Variants in ERGIC1 observed in about 807,000 individuals in gnomAD.
The protein encoded by ERGIC1 is endoplasmic reticulum-Golgi intermediate compartment protein 1.
Under a neutral mutation model 38.3 loss-of-function variants are expected in ERGIC1, and 19 were observed. The ratio of observed to expected loss-of-function variants is 0.50; its 90% CI spans 0.35 to 0.73. The LOEUF is 0.73. ERGIC1 is among the 30% of genes least tolerant of loss of function. The pLI, the probability that ERGIC1 is intolerant of heterozygous loss-of-function variation, is 0.01. For missense variants in ERGIC1, 294 were observed against 389.2 expected (o/e 0.76, Z 2.06); for synonymous variants, 124 against 157.6 (o/e 0.79, Z 1.60).
chr5:172,875,605 G>A (rs1762125109), intron 1 of ERGIC1, among the ~76,000 whole-genome samples: 1 of 152,112 alleles, frequency 6.6e-6, no homozygotes, highest in African/African-American at 2.4e-5. Flanking sequence ...TTGCCTGTGG[G>A]CTTTCTTGAG....
chr5:172,905,252 C>T, intron 3 of ERGIC1: 1 of 269,428 alleles, frequency 3.7e-6, no homozygotes, highest in East Asian at 8.3e-5. Context: ...AGCCCAGGCT[C>T]TCCTTAGTTG....
At chr5:172,891,858 G>A (rs956108545) in intron 2 of ERGIC1, among the ~76,000 whole-genome samples, 2 of 152,122 alleles carry the variant, frequency 1.3e-5, no homozygotes, top group African/African-American at 4.8e-5. Flanking sequence ...TCCTGCCAGC[G>A]GATAAACAGC....
At chr5:172,902,471 G>A (rs528215011) in intron 3 of ERGIC1, among the ~76,000 whole-genome samples, 30 of 152,322 alleles carry the variant, frequency 2.0e-4, no homozygotes, top group African/African-American at 5.8e-4. Context: ...GTGGAGTGAC[G>A]GGTTTATGTC....
At chr5:172,937,045 G>A (rs922920327) in intron 9 of ERGIC1, 3 of 152,120 alleles carry the variant, frequency 2.0e-5, no homozygotes, top group South Asian at 2.1e-4. Flanking sequence ...TACAAAGGGT[G>A]TCATAAGTCT....
intron 1 of ERGIC1, among the ~76,000 whole-genome samples, chr5:172,874,140 G>A (rs891497407): frequency 2.0e-5 from 3 of 152,008 alleles, no homozygotes; most frequent in Admixed American, 6.5e-5. Context: ...GTGCAGTGGC[G>A]TGATCTTGGC....
At chr5:172,858,689 T>C (rs1011216221) in intron 1 of ERGIC1, among the ~76,000 whole-genome samples, 10 of 152,236 alleles carry the variant, frequency 6.6e-5, no homozygotes, top group South Asian at 2.1e-4. Context: ...CCCTACTGCG[T>C]ACCTGGCAGA....
At chr5:172,903,212 T>C (rs1454706105) in intron 3 of ERGIC1, among the ~76,000 whole-genome samples, 1 of 152,206 alleles carries the variant, frequency 6.6e-6, no homozygotes, top group Non-Finnish European at 1.5e-5. Context: ...CGCTCTGTGC[T>C]GAGGCTCAGG....
intron 3 of ERGIC1, among the ~76,000 whole-genome samples, chr5:172,909,191 C>T (rs532807127): frequency 2.7e-3 from 45 of 16,560 alleles, no homozygotes; most frequent in African/African-American, 6.1e-3. Flanking sequence ...TTTTTTGAGA[C>T]GGAGTTTCAC....
At chr5:172,898,985 C>T in intron 3 of ERGIC1, among the ~76,000 whole-genome samples, 1 of 152,152 alleles carries the variant, frequency 6.6e-6, no homozygotes, top group East Asian at 1.9e-4. Context: ...GTATGCCAGG[C>T]ACCCACTGGC....
intron 2 of ERGIC1, among the ~76,000 whole-genome samples, chr5:172,893,941 A>G (rs866204903): frequency 3.0e-3 from 116 of 38,444 alleles, no homozygotes; most frequent in Non-Finnish European, 3.7e-3. Context: ...GTGTGTATAT[A>G]TATATATATA....
chr5:172,925,243 A>C (rs1384407731), intron 6 of ERGIC1, among the ~76,000 whole-genome samples: 1 of 152,186 alleles, frequency 6.6e-6, no homozygotes, highest in Non-Finnish European at 1.5e-5. Context: ...TCCCAAAAAA[A>C]GAAAAAATAA....
Position 172,929,525 on chromosome 5 carries a change from A to G in ERGIC1, c.542-2911A>G, listed in dbSNP as rs571738845. On this transcript the variant is annotated intron_variant, in intron 7 of 9. Coordinates refer to ENST00000393784, the MANE Select transcript of ERGIC1 (RefSeq NM_001031711.3). ...CAGTGGGCATTTGGCAAATTGTATC[A>G]AAGGCCTTAAAAATGGTCATTGCCT... Among the ~76,000 whole-genome samples the G allele has an allele frequency of 2.6e-5, 4 of 152,336 alleles. No homozygotes were observed. The South Asian group carries it at 8.3e-4, about 32-fold the overall frequency.
intron 3 of ERGIC1, among the ~76,000 whole-genome samples, chr5:172,907,545 A>G (rs7731725): frequency 0.68 from 102,639 of 151,042 alleles, 35,256 homozygotes; most frequent in Non-Finnish European, 0.74. Flanking sequence ...GGGACAGAGC[A>G]AGACTCTGTC....
At chr5:172,906,797 C>T (rs1326551859) in intron 3 of ERGIC1, among the ~76,000 whole-genome samples, 2 of 152,112 alleles carry the variant, frequency 1.3e-5, no homozygotes, top group African/African-American at 2.4e-5. Context: ...CCCCTTCAGC[C>T]GCCCCCTAGG....
In ERGIC1 at chr5:172,926,761, G is replaced by A. The variant is rs142046459; in HGVS notation, c.541+192G>A. 2.8e-5 allele frequency: 17 copies of A among 607,196 alleles called. No homozygotes were observed. The African/African-American group carries it at 3.1e-4, about 11-fold the overall frequency. The allele number at this position is 607,196 out of a possible 1,614,324, so 37.6% of individuals were successfully genotyped here. A position where few individuals can be genotyped will look rare whatever the true frequency, so the allele number is the denominator to read the frequency against. On this transcript the variant is annotated intron_variant, in intron 7 of 9. Transcript: ENST00000393784. The surrounding 1 kb of genome is among the most constrained non-coding windows in gnomAD (Gnocchi z 5.2). Reference sequence around the variant, plus strand: ...GCCCCGTCCAGACCCAGACCCTGATGGAGAAGGAAGAAGGCTTGTCCCGGG... The same window carrying A: ...GCCCCGTCCAGACCCAGACCCTGATAGAGAAGGAAGAAGGCTTGTCCCGGG...
intron 1 of ERGIC1, among the ~76,000 whole-genome samples, chr5:172,858,539 C>T (rs1183033674): frequency 2.6e-5 from 4 of 152,178 alleles, no homozygotes; most frequent in African/African-American, 7.2e-5. Context: ...TGAATCCGGG[C>T]GGTGACACAG....
At chr5:172,923,754 A>G (rs921846198) in intron 5 of ERGIC1, among the ~76,000 whole-genome samples, 2 of 152,114 alleles carry the variant, frequency 1.3e-5, no homozygotes, top group East Asian at 3.9e-4. Flanking sequence ...GGCACTTCAC[A>G]TGCACCCTCT....
At position 172,905,290 on chromosome 5, in the gene ERGIC1, A is replaced by G. The variant is rs78518771; in HGVS notation, c.156-4377A>G. ...TGTGTGTTAATCACCCAGCAATTTC[A>G]TTACTCAACAGCTCTCCAGAGTTGC... On this transcript the variant is annotated intron_variant, in intron 3 of 9. Transcript: ENST00000393784. 1,697 of 307,876 alleles carry G rather than the reference A, an allele frequency of 5.5e-3. 53 individuals carry two copies. Among genetic ancestry groups the G allele is most frequent in the Admixed American group, 0.053 (1,472 of 27,652 alleles). 19.1% of individuals were successfully genotyped at this position (307,876 alleles called of 1,614,324 possible). A position where few individuals can be genotyped will look rare whatever the true frequency, so the allele number is the denominator to read the frequency against.
intron 3 of ERGIC1, among the ~76,000 whole-genome samples, chr5:172,901,489 T>G (rs1171976735): frequency 6.6e-6 from 1 of 152,198 alleles, no homozygotes; most frequent in Non-Finnish European, 1.5e-5. Flanking sequence ...TAACTGGAAC[T>G]CTCCACTGAT....
Sources: allele counts gnomAD v4.1 joint callset (sites outside exome capture counted in the v4.1 genomes callset), GRCh38; gene constraint gnomAD v4.1.1; non-coding constraint Gnocchi (gnomAD v3.1); transcripts MANE v1.5; gene names NCBI Gene and HGNC (gene_info 2026-07-23, HGNC 2026-07-21).